The following UBP1 variants were observed in gnomAD, a reference collection of about 807,000 sequenced individuals.
UBP1 encodes the protein upstream-binding protein 1.
UBP1 carries 22 observed loss-of-function variants against 76.1 expected under a neutral mutation model. That is an observed-to-expected ratio of 0.29 (90% confidence interval 0.21 to 0.41). The LOEUF (loss-of-function observed/expected upper bound fraction) is 0.41, where lower values mean the gene tolerates loss of function less well. UBP1 is among the 10% of genes least tolerant of loss of function. The pLI is 1.00. For synonymous variants in UBP1, 224 were observed against 237.1 expected, an observed-to-expected ratio of 0.94 and a Z score of 0.51; for missense variants, 436 against 668.1, an observed-to-expected ratio of 0.65 and a Z score of 3.83.
intron 1 of UBP1, among the ~76,000 whole-genome samples, chr3:33,428,460 T>C (rs756315516): frequency 5.4e-5 from 7 of 128,822 alleles, no homozygotes; most frequent in Admixed American, 8.9e-5. Flanking sequence ...TATAACTGCA[T>C]GAGAATGGCT....
At chr3:33,396,506 T>G in intron 12 of UBP1, 1 of 503,568 alleles carries the variant, frequency 2.0e-6, no homozygotes, top group Non-Finnish European at 3.6e-6. Flanking sequence ...ATTGAGATGG[T>G]CTGTCAGATG....
intron 1 of UBP1, among the ~76,000 whole-genome samples, chr3:33,437,150 G>A (rs965582148): frequency 1.3e-5 from 2 of 151,834 alleles, no homozygotes; most frequent in African/African-American, 4.8e-5. Context: ...AAGAAAAAGA[G>A]AAGCAAAGGT....
chr3:33,422,785 G>C (rs1170635507), intron 2 of UBP1, among the ~76,000 whole-genome samples: 1 of 150,244 alleles, frequency 6.7e-6, no homozygotes, highest in Non-Finnish European at 1.5e-5. Flanking sequence ...GGGGAGAAGA[G>C]AAAGGGAGCA....
chr3:33,395,535 A>C (rs1460663189), intron 13 of UBP1, among the ~76,000 whole-genome samples: 1 of 152,084 alleles, frequency 6.6e-6, no homozygotes, highest in African/African-American at 2.4e-5. Flanking sequence ...CCGTACAATT[A>C]AATGCTCAGG....
In UBP1 at chr3:33,425,755, A is replaced by T. The variant is rs1045589298; in HGVS notation, c.114-14T>A. On this transcript the variant is annotated splice_polypyrimidine_tract_variant and intron_variant, in intron 1 of 15. Coordinates refer to ENST00000283629, the MANE Select transcript of UBP1 (RefSeq NM_014517.5). Reference sequence around the variant, plus strand: ...GCCAAGACATCACTGAAAAGCAAAAAATCAACACTGACCTTACTTTGGGTT... The same window carrying T: ...GCCAAGACATCACTGAAAAGCAAAATATCAACACTGACCTTACTTTGGGTT... 1 of 1,566,386 alleles carries T rather than the reference A, an allele frequency of 6.4e-7. No individual in the cohort carries two copies. The highest frequency in any genetic ancestry group is 8.7e-7 in the Non-Finnish European group (1 of 1,143,652).
intron 13 of UBP1, 119 bp from the exon 14 acceptor site, chr3:33,393,573 A>G: frequency 2.1e-6 from 2 of 942,032 alleles, no homozygotes; most frequent in Non-Finnish European, 2.9e-6. Context: ...AAGTAAAAAA[A>G]CATTTTAAAT....
At chr3:33,411,532 G>T in intron 5 of UBP1, 49 bp downstream of exon 5, 1 of 1,491,026 alleles carries the variant, frequency 6.7e-7, no homozygotes, top group Non-Finnish European at 9.4e-7. Context: ...ATCCTACCAT[G>T]ACCTAAATAA....
chr3:33,416,062 ACTGAGGGCCCAGCAGCACCTGGGCC>A (rs1465519614), intron 3 of UBP1: 1 of 152,116 alleles, frequency 6.6e-6, no homozygotes, highest in African/African-American at 2.4e-5. Flanking sequence ...GCCCCTCCAC[ACTGAGGGCCCAGCAGCACCTGGGCC>A]CTGACATGCC....
chr3:33,420,714 C>T (rs1254003694), intron 2 of UBP1, among the ~76,000 whole-genome samples: 7 of 152,136 alleles, frequency 4.6e-5, no homozygotes, highest in Non-Finnish European at 1.0e-4. Flanking sequence ...ATCTCGATCT[C>T]TCGACCTCGT....
At chr3:33,420,563 ACTGCAAC>A (rs1420671934) in intron 2 of UBP1, among the ~76,000 whole-genome samples, 3 of 145,330 alleles carry the variant, frequency 2.1e-5, no homozygotes, top group Non-Finnish European at 4.4e-5. Flanking sequence ...ATCTTGGCTC[ACTGCAAC>A]CTCCGCCTCC....
chr3:33,439,620 C>G (rs1188674606), intron 1 of UBP1, 116 bp downstream of exon 1: 2 of 1,153,050 alleles, frequency 1.7e-6, no homozygotes, highest in East Asian at 2.8e-5. Context: ...GACTCCGACC[C>G]CGCAGCCCAG....
upstream of UBP1, chr3:33,441,338 A>G (rs1399269107): frequency 1.3e-5 from 2 of 152,302 alleles, no homozygotes; most frequent in African/African-American, 4.8e-5. Flanking sequence ...TCCTTGCTGA[A>G]GAGAACGTCA....
intron 1 of UBP1, among the ~76,000 whole-genome samples, chr3:33,431,312 G>C (rs765413920): frequency 3.1e-4 from 47 of 152,320 alleles, no homozygotes; most frequent in Admixed American, 9.8e-4. Context: ...CTGAAGACAG[G>C]AAGGCTGAGC....
At chr3:33,396,063 A>C in intron 13 of UBP1, 99 bp downstream of exon 13, 3 of 1,136,604 alleles carry the variant, frequency 2.6e-6, no homozygotes, top group Non-Finnish European at 3.7e-6. Flanking sequence ...TGGCATTCCT[A>C]ACACAGCAAG....
At chr3:33,413,372 C>A (rs1037081949) in intron 3 of UBP1, among the ~76,000 whole-genome samples, 1 of 151,126 alleles carries the variant, frequency 6.6e-6, no homozygotes, top group South Asian at 2.1e-4. Flanking sequence ...ACGGTGAAAC[C>A]CCATCTCTAC....
chr3:33,419,061 C>T (rs1575481644), intron 2 of UBP1, among the ~76,000 whole-genome samples: 1 of 152,204 alleles, frequency 6.6e-6, no homozygotes, highest in East Asian at 1.9e-4. Flanking sequence ...CAGTATAAAT[C>T]CCTCAGTTTT....
chr3:33,392,275 T>C lies in UBP1; in HGVS notation c.1585+288A>G, dbSNP rs116065258. 266 of 304,998 alleles carry C rather than the reference T, an allele frequency of 8.7e-4. 1 individual carries two copies. The highest frequency in any genetic ancestry group is 5.4e-3 in the African/African-American group (248 of 46,256). 18.9% of individuals were successfully genotyped at this position (304,998 alleles called of 1,614,324 possible). A position where few individuals can be genotyped will look rare whatever the true frequency, so the allele number is the denominator to read the frequency against. On this transcript the variant is annotated intron_variant, in intron 15 of 15. Transcript: ENST00000283629. ...AGGAGTTTCATGGATTCTGTTTTATTCAATAGATCCACTGAGCGACAGAAG... is the reference window on the plus strand; with the variant it reads ...AGGAGTTTCATGGATTCTGTTTTATCCAATAGATCCACTGAGCGACAGAAG...
At chr3:33,396,863 C>T (rs762918361) in intron 12 of UBP1, 182 bp downstream of exon 12, 43 of 695,880 alleles carry the variant, frequency 6.2e-5, no homozygotes, top group Non-Finnish European at 1.1e-4. Context: ...GTGCCTGCAT[C>T]ATATCTGGGC....
rs988347202 is a variant in UBP1 at position 33,432,809 on chromosome 3, T to G, written c.113+6927A>C. ...GAGACAACTGTGAATTCCAAATAAA[T>G]TTTGTAATTTAGATAACAGTATTGC... On this transcript the variant is annotated intron_variant, in intron 1 of 15. Transcript: ENST00000283629. Among the ~76,000 whole-genome samples, 12 of 152,336 alleles carry G rather than the reference T, an allele frequency of 7.9e-5. No individual in the cohort carries two copies. The Middle Eastern group carries it at 0.014, about 173-fold the overall frequency.
Sources: allele counts gnomAD v4.1 joint callset (sites outside exome capture counted in the v4.1 genomes callset), GRCh38; gene constraint gnomAD v4.1.1; transcripts MANE v1.5; gene names NCBI Gene and HGNC (gene_info 2026-07-23, HGNC 2026-07-21).